Variants in TDP1 observed in about 807,000 individuals in gnomAD.
TDP1 encodes tyr-DNA phosphodiesterase 1.
TDP1 carries 64 observed loss-of-function variants against 81.5 expected under a neutral mutation model. The ratio of observed to expected loss-of-function variants is 0.79; its 90% confidence interval spans 0.64 to 0.97. The LOEUF (loss-of-function observed/expected upper bound fraction) is 0.97. Among genes scored for constraint, TDP1 ranks in the 50% least tolerant of loss-of-function variants. TDP1 has a pLI of 0.00. For synonymous variants in TDP1, 256 were observed against 264.3 expected, an observed-to-expected ratio of 0.97 and a Z score of 0.30; for missense variants, 723 against 743.8, an observed-to-expected ratio of 0.97 and a Z score of 0.33.
At chr14:89,955,407 G>A (rs1266006063), upstream of TDP1, 2 of 152,212 alleles carry the variant, frequency 1.3e-5, no homozygotes, top group East Asian at 3.8e-4. Context: ...CTTATTAAAG[G>A]CAAGGAACGT....
In TDP1 at chr14:89,984,650, A is replaced by G. The variant is rs1345447808; in HGVS notation, c.1019A>G (p.Asp340Gly). ...YNAPSLKEWI[D>G]VIHKHDLSET... ...GCCCCTTCTCTCAAGGAGTGGATAG[A>G]TGTCATTCACAAGCACGATCTCTCT... is the stretch of plus-strand genomic sequence containing the variant. Residue 340 changes from aspartate to glycine, a missense_variant, in exon 9 of 17, where the codon GAT (aspartate) becomes GGT (glycine). Coordinates refer to ENST00000335725, the MANE Select transcript of TDP1 (RefSeq NM_018319.4). 8 of 1,613,978 alleles carry G rather than the reference A, an allele frequency of 5.0e-6. No homozygotes were observed. Among genetic ancestry groups the G allele is most frequent in the Non-Finnish European group, 6.8e-6 (8 of 1,180,032 alleles).
chr14:89,961,112 A>G (rs1892274145), intron 2 of TDP1, among the ~76,000 whole-genome samples: 1 of 151,986 alleles, frequency 6.6e-6, no homozygotes, highest in African/African-American at 2.4e-5. Context: ...CCAAGGGGGG[A>G]CACGTGTGCA....
chr14:90,012,109 C>T lies in TDP1; in HGVS notation c.1542-7207C>T, dbSNP rs566306135. 3.3e-5 allele frequency among the ~76,000 whole-genome samples: 5 copies of T among 152,314 alleles called. No individual in the cohort carries two copies. In the South Asian group the frequency reaches 8.3e-4, roughly 25 times the overall value. ...GGCATGGCTAAAAGGTGCCAACATA[C>T]AGCTCAGGCCATTGCTTCAGAGGGT... On this transcript the variant is annotated intron_variant, in intron 14 of 16. Coordinates refer to ENST00000335725, the MANE Select transcript of TDP1 (RefSeq NM_018319.4).
At chr14:89,967,272 A>G in intron 4 of TDP1, 95 bp from the exon 5 acceptor site, 1 of 1,387,546 alleles carries the variant, frequency 7.2e-7, no homozygotes, top group East Asian at 2.3e-5. Context: ...TCACTATTTT[A>G]GAGTTTCCTT....
intron 15 of TDP1, among the ~76,000 whole-genome samples, chr14:90,030,183 C>G (rs916367322): frequency 6.6e-6 from 1 of 152,186 alleles, no homozygotes; most frequent in Non-Finnish European, 1.5e-5. Flanking sequence ...CAGGTGCTGC[C>G]GAGCTGGCCT....
At chr14:89,979,263 A>G (rs1257085953) in intron 7 of TDP1, among the ~76,000 whole-genome samples, 1 of 152,168 alleles carries the variant, frequency 6.6e-6, no homozygotes, top group Non-Finnish European at 1.5e-5. Flanking sequence ...AAAGCTGTGT[A>G]CCAAAGGAGT....
intron 12 of TDP1, among the ~76,000 whole-genome samples, chr14:89,990,132 G>A (rs1896015004): frequency 6.6e-6 from 1 of 152,078 alleles, no homozygotes; most frequent in Non-Finnish European, 1.5e-5. Flanking sequence ...CTGTGTTTGA[G>A]GTACCATGTG....
chr14:89,998,188 A>G lies in TDP1; in HGVS notation c.1541+4705A>G, dbSNP rs192849193. ...ATAATACAACATTTTGGAAGCAAAG[A>G]TCACAGGTAGCCCCATGTCATCTTA... On this transcript the variant is annotated intron_variant, in intron 14 of 16. Coordinates refer to ENST00000335725, the MANE Select transcript of TDP1 (RefSeq NM_018319.4). 1.9e-3 allele frequency among the ~76,000 whole-genome samples: 284 copies of G among 151,954 alleles called. 3 individuals are homozygous for G. The highest frequency in any genetic ancestry group is 2.4e-3 in the Non-Finnish European group (161 of 67,976).
chr14:89,970,853 T>C, intron 5 of TDP1: 1 of 702,258 alleles, frequency 1.4e-6, no homozygotes, highest in Non-Finnish European at 1.7e-6. Context: ...ATTTATTTAT[T>C]TTTGAGACAG....
chr14:89,984,584 A>G lies in TDP1; in HGVS notation c.953A>G (p.His318Arg), dbSNP rs2140095642. The stretch of plus-strand genomic sequence containing the variant: ...CACAAATCTGGAGAGTCGCCAACAC[A>G]TTTTAAAGCTGATCTCATCAGTTAC... ...GTHKSGESPT[H>R]FKADLISYLM... The change falls in exon 9 of 17, where the codon CAT becomes CGT. Residue 318 changes from histidine to arginine, a missense_variant. Coordinates refer to ENST00000335725, the MANE Select transcript of TDP1 (RefSeq NM_018319.4). 6.2e-7 allele frequency: 1 copy of G among 1,614,156 alleles called. No homozygotes were observed. Among genetic ancestry groups the G allele is most frequent in the Non-Finnish European group, 8.5e-7 (1 of 1,180,032 alleles).
intron 5 of TDP1, among the ~76,000 whole-genome samples, chr14:89,968,296 T>C (rs1893188851): frequency 6.6e-6 from 1 of 152,166 alleles, no homozygotes; most frequent in Non-Finnish European, 1.5e-5. Flanking sequence ...ATTTATGGTC[T>C]AGATGGGGGC....
chr14:89,986,575 C>T (rs548662766), intron 10 of TDP1, among the ~76,000 whole-genome samples: 1 of 152,344 alleles, frequency 6.6e-6, no homozygotes, highest in South Asian at 2.1e-4. Context: ...ACTTTTTACA[C>T]ACAGTTGCTC....
intron 15 of TDP1, among the ~76,000 whole-genome samples, chr14:90,020,238 C>T (rs1295154763): frequency 6.6e-6 from 1 of 152,100 alleles, no homozygotes; most frequent in African/African-American, 2.4e-5. Flanking sequence ...CCATAAGAGG[C>T]ACATGGACTG....
intron 2 of TDP1, among the ~76,000 whole-genome samples, chr14:89,959,158 GA>G (rs1892034226): frequency 6.6e-6 from 1 of 152,200 alleles, no homozygotes; most frequent in Non-Finnish European, 1.5e-5. Context: ...TGAGTGCCAG[GA>G]TTCAGAATCA....
chr14:89,980,514 T>C (rs760748883), intron 7 of TDP1, 26 bp from the exon 8 acceptor site: 16 of 1,601,734 alleles, frequency 1.0e-5, no homozygotes, highest in Middle Eastern at 1.7e-4. Flanking sequence ...CTATTAATGC[T>C]TTTTGATCCT....
rs1362400996 is a variant in TDP1, at chr14:89,998,377, T to C, written c.1541+4894T>C. Reference sequence around the variant, plus strand: ...CAGGCACAGTTCCAAGCACATTATATATATATATATATATATATATATATA... The same window carrying C: ...CAGGCACAGTTCCAAGCACATTATACATATATATATATATATATATATATA... On this transcript the variant is annotated intron_variant, in intron 14 of 16. Transcript: ENST00000335725. Among the ~76,000 whole-genome samples, 3 of 5,520 alleles carry C rather than the reference T, an allele frequency of 5.4e-4. No individual in the cohort carries two copies. In the East Asian group the frequency reaches 0.068, roughly 125 times the overall value. The allele number at this position is 5,520 out of a possible 152,430, so 3.6% of individuals were successfully genotyped here. A position where few individuals can be genotyped will look rare whatever the true frequency, so the allele number is the denominator to read the frequency against.
chr14:89,963,729 C>G, intron 3 of TDP1, 56 bp downstream of exon 3: 2 of 1,591,222 alleles, frequency 1.3e-6, no homozygotes, highest in South Asian at 1.1e-5. Context: ...AGTCTCTCCT[C>G]CGTGAAACAA....
intron 14 of TDP1, among the ~76,000 whole-genome samples, chr14:89,998,278 C>T (rs888479846): frequency 6.7e-6 from 1 of 149,996 alleles, no homozygotes; most frequent in African/African-American, 2.5e-5. Context: ...GAGTTAAAAG[C>T]TTTATTTCAA....
chr14:89,979,191 T>C (rs1894692628), intron 7 of TDP1, among the ~76,000 whole-genome samples: 1 of 152,116 alleles, frequency 6.6e-6, no homozygotes, highest in Non-Finnish European at 1.5e-5. Flanking sequence ...TCCTGAAATA[T>C]TGAAATAATC....
Sources: allele counts gnomAD v4.1 joint callset (sites outside exome capture counted in the v4.1 genomes callset), GRCh38; gene constraint gnomAD v4.1.1; transcripts MANE v1.5; gene names NCBI Gene and HGNC (gene_info 2026-07-23, HGNC 2026-07-21).